Variants in SYNM observed in about 807,000 individuals in gnomAD.
SYNM encodes the protein desmuslin.
SYNM carries 95 observed loss-of-function variants against 104.0 expected under a neutral mutation model. The observed-to-expected ratio is 0.91, with a 90% CI of 0.77 to 1.08. SYNM has a LOEUF of 1.08. Among genes scored for constraint, SYNM ranks in the 50% least tolerant of loss-of-function variants. The pLI, the probability that SYNM is intolerant of heterozygous loss-of-function variation, is 0.00. For synonymous variants in SYNM, 918 were observed against 869.0 expected (o/e 1.06, Z -0.99); for missense variants, 2,150 against 2,052.2 (o/e 1.05, Z -0.92).
rs1555485759 is a variant in SYNM at position 99,131,149 on chromosome 15, C to T, written c.2789C>T (p.Pro930Leu). ...GTCATTGAAAAAGAAATTAAAATAC[C>T]CCACGAATTCCACACCTCCATGAAG... ...PTVIEKEIKI[P>L]HEFHTSMKGI... The change falls in exon 4 of 4, where the codon CCC becomes CTC. Residue 930 changes from proline (P) to leucine (L), a missense_variant. Pro to Leu is a moderately conservative substitution (Grantham distance 98, BLOSUM62 -3). Coordinates refer to ENST00000336292, the MANE Select transcript of SYNM (RefSeq NM_145728.3). The surrounding 1 kb of genome is among the most constrained non-coding windows in gnomAD (Gnocchi z 4.3). 6.2e-7 allele frequency: 1 copy of T among 1,600,804 alleles called. No individual in the cohort carries two copies. Among genetic ancestry groups the T allele is most frequent in the Non-Finnish European group, 8.5e-7 (1 of 1,173,608 alleles).
At chr15:99,139,221 GAGA>G (rs2067920483), downstream of SYNM, 1 of 1,464,292 alleles carries the variant, frequency 6.8e-7, no homozygotes. Flanking sequence ...AAACATTCCA[GAGA>G]AGGTTACACA....
Position 99,122,450 on chromosome 15 carries a change from C to A in SYNM, c.936-4272C>A, listed in dbSNP as rs2067409799. The stretch of plus-strand genomic sequence containing the variant: ...CATTTTGTTTTTTTAAGTTAGTTCC[C>A]ACCTTTTTTTGGAAGACTTATAAAA... On this transcript the variant is annotated intron_variant, in intron 2 of 3. Transcript: ENST00000336292. 1.3e-5 allele frequency among the ~76,000 whole-genome samples: 2 copies of A among 152,098 alleles called. 1 individual carries two copies. Among genetic ancestry groups the A allele is most frequent in the South Asian group, 4.1e-4 (2 of 4,822 alleles).
rs1390509121 is a variant in SYNM at position 99,105,300 on chromosome 15, G to A, written c.101G>A (p.Arg34His). ...DYVCRVRELE[R>H]ENLLLEEELR... Reference sequence around the variant, plus strand: ...GTGTGTCGGGTGCGGGAGCTGGAGCGCGAAAACCTACTCCTGGAGGAGGAG... The same window carrying A: ...GTGTGTCGGGTGCGGGAGCTGGAGCACGAAAACCTACTCCTGGAGGAGGAG... Residue 34 changes from arginine (R) to histidine (H), a missense_variant, in exon 1 of 4, where the codon CGC becomes CAC. Arg to His is a conservative substitution (Grantham distance 29). Transcript: ENST00000336292. 4.5e-6 allele frequency: 7 copies of A among 1,549,270 alleles called. No individual in the cohort carries two copies. The highest frequency in any genetic ancestry group is 1.4e-5 in the African/African-American group (1 of 72,970).
chr15:99,112,017 C>G (rs2067303850), intron 1 of SYNM, among the ~76,000 whole-genome samples: 1 of 152,226 alleles, frequency 6.6e-6, no homozygotes, highest in Admixed American at 6.5e-5. Context: ...CCATTGCACT[C>G]CAGCCTCGGT....
rs996948984 is a variant in SYNM at position 99,134,841 on chromosome 15, T to G, written c.*1783T>G. ...TTGGAATAGCAAGTTTAAACCTTTG[T>G]TGTCCATCTGCCAAATGAACTAGTG... On this transcript the variant is annotated 3_prime_UTR_variant, in exon 4 of 4. Transcript: ENST00000336292. The G allele has an allele frequency of 6.6e-6, 1 of 152,274 alleles. No homozygotes were observed. The highest frequency in any genetic ancestry group is 1.5e-5 in the Non-Finnish European group (1 of 68,048). 9.4% of individuals were successfully genotyped at this position (152,274 alleles called of 1,614,324 possible).
chr15:99,119,312 CA>C (rs2067378620), intron 2 of SYNM, among the ~76,000 whole-genome samples: 2 of 152,158 alleles, frequency 1.3e-5, no homozygotes, highest in South Asian at 4.2e-4. Flanking sequence ...CATTGTGAGG[CA>C]TTGCAAGTTT....
Position 99,131,564 on chromosome 15 carries a change from G to A in SYNM, c.3204G>A (p.Trp1068Ter), listed in dbSNP as rs1555485922. The change falls in exon 4 of 4, where the codon TGG becomes TGA. Residue 1068 changes from tryptophan (W) to a stop codon, truncating the protein, a stop_gained. Transcript: ENST00000336292. LOFTEE classifies it high-confidence loss of function. This position sits in a 1 kb window ranked among gnomAD's most constrained non-coding sequence, Gnocchi z 4.3. The stretch of plus-strand genomic sequence containing the variant: ...CTGCTGGCATTCGCTTTAGGCGTTG[G>A]GCCACCCGGGAGCTGTACATCCCTT... ...APAAGIRFRRWATRELYIPSG... is the reference protein window; with the variant it reads ...APAAGIRFRR 2 of 1,609,100 alleles carry A rather than the reference G, an allele frequency of 1.2e-6. No homozygotes were observed.
chr15:99,117,256 G>A (rs1419955648), intron 2 of SYNM, among the ~76,000 whole-genome samples: 4 of 152,170 alleles, frequency 2.6e-5, no homozygotes, highest in Non-Finnish European at 5.9e-5. Context: ...GCTGGGTGGG[G>A]CCCGAACAGC....
At chr15:99,118,814 C>T (rs1389085176) in intron 2 of SYNM, among the ~76,000 whole-genome samples, 1 of 152,158 alleles carries the variant, frequency 6.6e-6, no homozygotes, top group East Asian at 1.9e-4. Context: ...TGGCAGCTCG[C>T]CTGGCAGGTG....
At chr15:99,108,832 C>T (rs1415378294) in intron 1 of SYNM, among the ~76,000 whole-genome samples, 1 of 152,222 alleles carries the variant, frequency 6.6e-6, no homozygotes, top group African/African-American at 2.4e-5. Context: ...AAACCTTTAA[C>T]CAGTATTCTT....
intron 1 of SYNM, among the ~76,000 whole-genome samples, chr15:99,109,037 G>A (rs1011215042): frequency 5.9e-5 from 9 of 152,166 alleles, no homozygotes. Flanking sequence ...GGAGCTGGAG[G>A]CAGCAGAGGG....
intron 1 of SYNM, among the ~76,000 whole-genome samples, chr15:99,110,374 G>T (rs2067290687): frequency 6.6e-6 from 1 of 152,184 alleles, no homozygotes; most frequent in Non-Finnish European, 1.5e-5. Context: ...AGGAGGACGG[G>T]CCTGGGTGGG....
downstream of SYNM, chr15:99,138,037 C>A: frequency 6.2e-7 from 1 of 1,614,094 alleles, no homozygotes; most frequent in Middle Eastern, 1.7e-4. Context: ...CGGGCCGGGC[C>A]TTCCCCAGCA....
In SYNM at chr15:99,132,821, T is replaced by TGG; in HGVS notation, c.4462_4463dup (p.Ser1489ValfsTer16). The TGG allele has an allele frequency of 6.2e-7, 1 of 1,613,152 alleles. No individual in the cohort carries two copies. The highest frequency in any genetic ancestry group is 8.5e-7 in the Non-Finnish European group (1 of 1,179,644). Reference sequence around the variant, plus strand: ...CGGGAGCTCTCGGTGTGTCTGACCGTGGTTCCTGGAGAGACGCGGACAGTA... The same window carrying TGG: ...CGGGAGCTCTCGGTGTGTCTGACCGTGGGGTTCCTGGAGAGACGCGGACAGTA... On this transcript the variant is annotated frameshift_variant, in exon 4 of 4. Coordinates refer to ENST00000336292, the MANE Select transcript of SYNM (RefSeq NM_145728.3). LOFTEE classifies it high-confidence loss of function.
At chr15:99,114,440 G>T (rs2067328195) in intron 2 of SYNM, among the ~76,000 whole-genome samples, 1 of 151,970 alleles carries the variant, frequency 6.6e-6, no homozygotes. Context: ...AGGTTTGGGT[G>T]GGGACCCAGA....
At chr15:99,117,232 C>G (rs901334752) in intron 2 of SYNM, among the ~76,000 whole-genome samples, 1 of 152,218 alleles carries the variant, frequency 6.6e-6, no homozygotes, top group Non-Finnish European at 1.5e-5. Flanking sequence ...CTTCTGGACT[C>G]TTCCCACCAC....
In SYNM at chr15:99,129,568, A is replaced by G. The variant is rs782193575; in HGVS notation, c.1208A>G (p.Tyr403Cys). 2.2e-5 allele frequency: 36 copies of G among 1,613,840 alleles called. No homozygotes were observed. The highest frequency in any genetic ancestry group is 1.5e-4 in the Admixed American group (9 of 59,996). The stretch of plus-strand genomic sequence containing the variant: ...AGAAGAGGCTTCTTGGGCTCGGGAT[A>G]TTCTTCCTCGGCCACTACCCAGCAG... ...DARRGFLGSG[Y>C]SSSATTQQEN... Residue 403 changes from tyrosine to cysteine, a missense_variant, in exon 4 of 4, where the codon TAT becomes TGT. Physicochemically the swap from Tyr to Cys is radical, Grantham distance 194. Coordinates refer to ENST00000336292, the MANE Select transcript of SYNM (RefSeq NM_145728.3).
chr15:99,126,768 G>C lies in SYNM; in HGVS notation c.982G>C (p.Glu328Gln), dbSNP rs369300610. The C allele has an allele frequency of 3.8e-6, 6 of 1,577,722 alleles. No individual in the cohort carries two copies. The African/African-American group carries it at 8.1e-5, about 21-fold the overall frequency. The change falls in exon 3 of 4, where the codon GAG becomes CAG. Residue 328 changes from glutamate to glutamine, a missense_variant. Physicochemically the swap from Glu to Gln is conservative, Grantham distance 29. Coordinates refer to ENST00000336292, the MANE Select transcript of SYNM (RefSeq NM_145728.3). Reference protein sequence around the residue: ...ESNPEIVIWAEHVENMPSEFR... With the variant: ...ESNPEIVIWAQHVENMPSEFR... Reference sequence around the variant, plus strand: ...TAATCCAGAGATAGTGATCTGGGCTGAGCACGTTGAAAACATGCCGTCAGG... The same window carrying C: ...TAATCCAGAGATAGTGATCTGGGCTCAGCACGTTGAAAACATGCCGTCAGG...
At chr15:99,119,481 A>C (rs1446746406) in intron 2 of SYNM, among the ~76,000 whole-genome samples, 3 of 152,172 alleles carry the variant, frequency 2.0e-5, no homozygotes, top group Non-Finnish European at 4.4e-5. Context: ...AGACAAGATG[A>C]AGGATGGGTT....
Sources: gnomAD v4.1 joint callset for allele counts (sites outside exome capture counted in the v4.1 genomes callset) on GRCh38, gnomAD v4.1.1 for gene constraint, Gnocchi (gnomAD v3.1) non-coding constraint, MANE v1.5 for transcripts, NCBI Gene and HGNC (gene_info 2026-07-23, HGNC 2026-07-21) for gene names.